The following PINX1 variants were observed in gnomAD, a reference collection of about 807,000 sequenced individuals.
PINX1 encodes PIN2/TERF1-interacting telomerase inhibitor 1.
A neutral mutation model predicts 25.4 loss-of-function variants in PINX1; 34 were observed. The observed-to-expected ratio is 1.34, with a 90% CI of 1.02 to 1.78. The LOEUF is 1.78. Among genes scored for constraint, PINX1 ranks in the 40% most tolerant of loss-of-function variants. PINX1 has a pLI of 0.00. For missense variants in PINX1, 592 were observed against 404.9 expected (o/e 1.46, Z -3.97); for synonymous variants, 197 against 147.7 (o/e 1.33, Z -2.42).
chr8:10,776,332 G>C (rs940684092), intron 6 of PINX1, among the ~76,000 whole-genome samples: 113 of 152,106 alleles, frequency 7.4e-4, no homozygotes, highest in African/African-American at 2.5e-3. Context: ...GGCTGAGACA[G>C]GAGAATCTCC....
At chr8:10,827,107 G>C (rs1185575606) in intron 4 of PINX1, among the ~76,000 whole-genome samples, 1 of 152,222 alleles carries the variant, frequency 6.6e-6, no homozygotes, top group Non-Finnish European at 1.5e-5. Flanking sequence ...TCCACCCTGG[G>C]AGAACAGGGG....
At chr8:10,831,512 T>C (rs1258049054) in intron 4 of PINX1, among the ~76,000 whole-genome samples, 153 bp downstream of exon 4, 1 of 152,178 alleles carries the variant, frequency 6.6e-6, no homozygotes, top group Non-Finnish European at 1.5e-5. Flanking sequence ...ACATAACACA[T>C]GTGTACATTA....
At chr8:10,810,925 G>A (rs1029151934) in intron 6 of PINX1, among the ~76,000 whole-genome samples, 28 of 152,336 alleles carry the variant, frequency 1.8e-4, no homozygotes, top group Non-Finnish European at 3.2e-4. Flanking sequence ...CACTCAGTAG[G>A]TTTATATTAA....
intron 6 of PINX1, among the ~76,000 whole-genome samples, chr8:10,808,166 C>G (rs1300641582): frequency 1.3e-5 from 2 of 152,188 alleles, no homozygotes; most frequent in Non-Finnish European, 2.9e-5. Flanking sequence ...AACAAATTCA[C>G]TAATCATTAT....
chr8:10,832,962 C>G lies in PINX1; in HGVS notation c.152G>C (p.Gly51Ala). 1.2e-6 allele frequency: 2 copies of G among 1,610,264 alleles called. No individual in the cohort carries two copies. The highest frequency in any genetic ancestry group is 1.7e-6 in the Non-Finnish European group (2 of 1,177,818). The part of the protein sequence containing the change: ...KGKGLGAQEQ[G>A]ATDHIKVQVK... ...TTGAACTTTAATATGATCTGTGGCT[C>G]CTTGCTCCTGAGCCCCTAAACCCTG... The change falls in exon 3 of 7, where the codon GGA becomes GCA. Residue 51 changes from glycine to alanine, a missense_variant. Gly to Ala is a moderately conservative substitution (Grantham distance 60). Transcript: ENST00000314787.
At chr8:10,833,592 C>T (rs939770208) in intron 2 of PINX1, 2 of 83,588 alleles carry the variant, frequency 2.4e-5, no homozygotes, top group Admixed American at 1.1e-4. Context: ...GACTGGGGTG[C>T]GGGAGGCTGG....
chr8:10,834,533 T>C (rs1798334931), intron 2 of PINX1, 133 bp downstream of exon 2: 1 of 1,319,446 alleles, frequency 7.6e-7, no homozygotes, highest in South Asian at 1.6e-5. Flanking sequence ...GTCACAACAA[T>C]TTTTGATTTG....
At chr8:10,808,974 G>A (rs925901729) in intron 6 of PINX1, among the ~76,000 whole-genome samples, 14 of 152,314 alleles carry the variant, frequency 9.2e-5, no homozygotes, top group African/African-American at 3.4e-4. Context: ...TGAATTTGTT[G>A]GAAAACCATT....
intron 6 of PINX1, among the ~76,000 whole-genome samples, chr8:10,777,448 G>C (rs1049471976): frequency 4.6e-5 from 7 of 152,206 alleles, no homozygotes; most frequent in Non-Finnish European, 8.8e-5. Flanking sequence ...AGCGAGATAA[G>C]ACCAGAGATT....
chr8:10,839,840 C>G lies in PINX1; in HGVS notation c.-84G>C. On this transcript the variant is annotated 5_prime_UTR_variant, in exon 1 of 7. Transcript: ENST00000314787. ...GCTGGAGACTCCAGGAGAATCAGGA[C>G]GTGCGTAACTCCCTCGCCGGCGGAC... 7.5e-7 allele frequency: 1 copy of G among 1,338,754 alleles called. No homozygotes were observed. The highest frequency in any genetic ancestry group is 1.0e-6 in the Non-Finnish European group (1 of 962,820). 82.9% of individuals were successfully genotyped at this position (1,338,754 alleles called of 1,614,324 possible).
chr8:10,781,709 G>A (rs1202238548), intron 6 of PINX1, among the ~76,000 whole-genome samples: 1 of 152,170 alleles, frequency 6.6e-6, no homozygotes, highest in African/African-American at 2.4e-5. Context: ...AGAGTGTGGA[G>A]AAACAGGAAC....
intron 6 of PINX1, among the ~76,000 whole-genome samples, chr8:10,771,982 T>C (rs1005581419): frequency 4.6e-5 from 7 of 152,218 alleles, no homozygotes; most frequent in Non-Finnish European, 1.0e-4. Context: ...TGCTCTGTCA[T>C]TCCACATGTT....
At position 10,791,507 on chromosome 8, in the gene PINX1, T is replaced by C. The variant is rs912398284; in HGVS notation, c.472-25591A>G. On this transcript the variant is annotated intron_variant, in intron 6 of 6. Transcript: ENST00000314787. The stretch of plus-strand genomic sequence containing the variant: ...ACCCCTCGGACCACCAACAATCCAC[T>C]TGTGGCATGCCAGCTGGTAAACTCC... 4.6e-5 allele frequency among the ~76,000 whole-genome samples: 7 copies of C among 152,148 alleles called. 1 individual carries two copies.
chr8:10,796,906 A>ACT (rs1802100984), intron 6 of PINX1, among the ~76,000 whole-genome samples: 1 of 152,050 alleles, frequency 6.6e-6, no homozygotes, highest in Non-Finnish European at 1.5e-5. Flanking sequence ...GACAACTATC[A>ACT]GCACTCCCCT....
intron 6 of PINX1, among the ~76,000 whole-genome samples, chr8:10,796,602 G>C (rs998180276): frequency 6.6e-6 from 1 of 152,036 alleles, no homozygotes. Context: ...TAAAATATGG[G>C]AAGTCCTAGA....
chr8:10,804,798 C>T (rs901356078), intron 6 of PINX1, among the ~76,000 whole-genome samples: 2 of 151,762 alleles, frequency 1.3e-5, no homozygotes, highest in African/African-American at 4.8e-5. Flanking sequence ...ACAACTCTAG[C>T]TAAGTAAGAT....
intron 6 of PINX1, among the ~76,000 whole-genome samples, chr8:10,801,881 T>C (rs1423377071): frequency 6.6e-6 from 1 of 152,180 alleles, no homozygotes; most frequent in Non-Finnish European, 1.5e-5. Flanking sequence ...GGTATCGTCC[T>C]GGCCCCATGA....
In PINX1 at chr8:10,796,112, G is replaced by A. The variant is rs148698655; in HGVS notation, c.471+24081C>T. Among the ~76,000 whole-genome samples, 8 of 152,242 alleles carry A rather than the reference G, an allele frequency of 5.3e-5. No homozygotes were observed. The East Asian group carries it at 1.5e-3, about 29-fold the overall frequency. ...AGTCAGTTCAAATGATAACGGGATGGGAGATTCTGAAAAGCGCAGATAATG... is the reference window on the plus strand; with the variant it reads ...AGTCAGTTCAAATGATAACGGGATGAGAGATTCTGAAAAGCGCAGATAATG... On this transcript the variant is annotated intron_variant, in intron 6 of 6. Transcript: ENST00000314787.
intron 6 of PINX1, among the ~76,000 whole-genome samples, chr8:10,767,361 G>C (rs1801086714): frequency 1.3e-5 from 2 of 151,954 alleles, no homozygotes; most frequent in Admixed American, 6.6e-5. Flanking sequence ...TGGACAATTG[G>C]GCCTTCAGTG....
Sources: allele counts gnomAD v4.1 joint callset (sites outside exome capture counted in the v4.1 genomes callset), GRCh38; gene constraint gnomAD v4.1.1; transcripts MANE v1.5; gene names NCBI Gene and HGNC (gene_info 2026-07-23, HGNC 2026-07-21).